PGM2L1: variants seen among roughly 807,000 people sequenced by gnomAD.
PGM2L1 encodes glucose 1,6-bisphosphate synthase.
Under a neutral mutation model 73.4 loss-of-function variants are expected in PGM2L1, and 35 were observed. That is an observed-to-expected ratio of 0.48 (90% CI 0.36 to 0.63). PGM2L1 has a LOEUF of 0.63. PGM2L1 is among the 30% of genes least tolerant of loss of function. PGM2L1 has a pLI of 0.00. For missense variants in PGM2L1, 570 were observed against 742.0 expected, an observed-to-expected ratio of 0.77 and a Z score of 2.69; for synonymous variants, 225 against 253.8, an observed-to-expected ratio of 0.89 and a Z score of 1.08.
chr11:74,353,777 C>T (rs1293655669), intron 5 of PGM2L1, among the ~76,000 whole-genome samples: 3 of 149,228 alleles, frequency 2.0e-5, no homozygotes, highest in African/African-American at 7.3e-5. Context: ...TCTTTCCTTT[C>T]CCCACACTTC....
At chr11:74,365,869 C>T (rs913988033) in intron 5 of PGM2L1, among the ~76,000 whole-genome samples, 1 of 152,120 alleles carries the variant, frequency 6.6e-6, no homozygotes, top group African/African-American at 2.4e-5. Flanking sequence ...TGGGTATATA[C>T]CCAAAGGATT....
chr11:74,383,299 T>C (rs1862973789), intron 1 of PGM2L1, among the ~76,000 whole-genome samples: 1 of 152,000 alleles, frequency 6.6e-6, no homozygotes, highest in Non-Finnish European at 1.5e-5. Flanking sequence ...ATACATGCAA[T>C]ACAATTCCAA....
intron 1 of PGM2L1, among the ~76,000 whole-genome samples, chr11:74,387,609 G>A: frequency 6.6e-6 from 1 of 151,924 alleles, no homozygotes; most frequent in Non-Finnish European, 1.5e-5. Flanking sequence ...TGATTCTACT[G>A]TGCCCATTTT....
intron 1 of PGM2L1, among the ~76,000 whole-genome samples, chr11:74,377,376 G>A (rs1408504823): frequency 6.6e-6 from 1 of 151,898 alleles, no homozygotes; most frequent in Non-Finnish European, 1.5e-5. Flanking sequence ...CTCATGATAC[G>A]CCCACCTTGG....
In PGM2L1 at chr11:74,359,854, T is replaced by A. The variant is rs11236070; in HGVS notation, c.556-8278A>T. On this transcript the variant is annotated intron_variant, in intron 5 of 13. Transcript: ENST00000298198. ...GATGGGACAGATACTTTCTACTGTTTCACTTTTTAACCTTGTGCTTACATA... is the reference window on the plus strand; with the variant it reads ...GATGGGACAGATACTTTCTACTGTTACACTTTTTAACCTTGTGCTTACATA... Among the ~76,000 whole-genome samples, 609 of 152,330 alleles carry A rather than the reference T, an allele frequency of 4.0e-3. 6 individuals carry two copies. The highest frequency in any genetic ancestry group is 0.014 in the African/African-American group (576 of 41,566).
intron 5 of PGM2L1, among the ~76,000 whole-genome samples, chr11:74,362,112 T>C (rs918373099): frequency 2.0e-5 from 3 of 151,972 alleles, no homozygotes; most frequent in East Asian, 1.9e-4. Context: ...TCATCAAACT[T>C]GAAATGAAGG....
rs1862028217 is a variant in PGM2L1, at chr11:74,332,362, T to C, written c.*4290A>G. 6.6e-6 allele frequency: 1 copy of C among 152,260 alleles called. No homozygotes were observed. Among genetic ancestry groups the C allele is most frequent in the Non-Finnish European group, 1.5e-5 (1 of 68,046 alleles). 9.4% of individuals were successfully genotyped at this position (152,260 alleles called of 1,614,324 possible). A position where few individuals can be genotyped will look rare whatever the true frequency, so the allele number is the denominator to read the frequency against. ...AGTATGCAGACAGATCAAAACAGGT[T>C]ATGAAATAGATTTAAAATTACTTCC... On this transcript the variant is annotated 3_prime_UTR_variant, in exon 14 of 14. Coordinates refer to ENST00000298198, the MANE Select transcript of PGM2L1 (RefSeq NM_173582.6).
chr11:74,363,107 T>C (rs1327075971), intron 5 of PGM2L1, among the ~76,000 whole-genome samples: 1 of 152,130 alleles, frequency 6.6e-6, no homozygotes, highest in Non-Finnish European at 1.5e-5. Context: ...CTCAACTACA[T>C]GGAAACTGAA....
At chr11:74,359,148 A>G (rs1224686400) in intron 5 of PGM2L1, among the ~76,000 whole-genome samples, 1 of 152,184 alleles carries the variant, frequency 6.6e-6, no homozygotes, top group East Asian at 1.9e-4. Context: ...TGCTTCATTC[A>G]TCTTTAAAAA....
intron 1 of PGM2L1, among the ~76,000 whole-genome samples, chr11:74,386,298 G>T (rs903277114): frequency 6.6e-6 from 1 of 151,812 alleles, no homozygotes. Context: ...TAAGAAAAAT[G>T]GAAATTAAAG....
intron 9 of PGM2L1, 31 bp downstream of exon 9, chr11:74,345,438 A>T: frequency 6.4e-7 from 1 of 1,555,556 alleles, no homozygotes; most frequent in South Asian, 1.1e-5. Flanking sequence ...TAGGTTTTAA[A>T]AAGTAGCACA....
At chr11:74,360,484 C>T (rs547987235) in intron 5 of PGM2L1, among the ~76,000 whole-genome samples, 9 of 152,136 alleles carry the variant, frequency 5.9e-5, no homozygotes, top group Admixed American at 1.3e-4. Flanking sequence ...GCAGGACCGA[C>T]GCAGAAGATG....
chr11:74,346,299 A>C (rs1193970753), intron 8 of PGM2L1, among the ~76,000 whole-genome samples: 1 of 143,800 alleles, frequency 7.0e-6, no homozygotes, highest in African/African-American at 2.6e-5. Context: ...AAAAAAAAGC[A>C]AACAAACAAA....
chr11:74,370,254 A>G (rs1862731815), intron 4 of PGM2L1, among the ~76,000 whole-genome samples: 1 of 152,058 alleles, frequency 6.6e-6, no homozygotes, highest in African/African-American at 2.4e-5. Flanking sequence ...TTTCTCATTT[A>G]TGATTAAGAT....
rs1862876603 is a variant in PGM2L1 at position 74,377,609 on chromosome 11, A to G, written c.112-3027T>C. On this transcript the variant is annotated intron_variant, in intron 1 of 13. Transcript: ENST00000298198. ...GACTAAAAATAGTGATTACCTCTGA[A>G]GGGGATATTAGGCATGGGGTTTCAA... Among the ~76,000 whole-genome samples, 2 of 152,190 alleles carry G rather than the reference A, an allele frequency of 1.3e-5. 1 individual carries two copies. Among genetic ancestry groups the G allele is most frequent in the Admixed American group, 1.3e-4 (2 of 15,274 alleles).
Position 74,331,288 on chromosome 11 carries a change from G to T in PGM2L1, c.*5364C>A, listed in dbSNP as rs1862008844. The T allele has an allele frequency of 2.1e-5, 2 of 97,522 alleles. No homozygotes were observed. The highest frequency in any genetic ancestry group is 4.7e-5 in the Non-Finnish European group (2 of 42,180). The allele number at this position is 97,522 out of a possible 1,614,324, so 6.0% of individuals were successfully genotyped here. A position where few individuals can be genotyped will look rare whatever the true frequency, so the allele number is the denominator to read the frequency against. On this transcript the variant is annotated 3_prime_UTR_variant, in exon 14 of 14. Transcript: ENST00000298198. ...CTTTTTTTTTTTTTTTTGAGATGGA[G>T]TTTCACTCTTGTTGCCCAGGCTGGA...
intron 5 of PGM2L1, among the ~76,000 whole-genome samples, chr11:74,358,607 C>A (rs79902878): frequency 6.6e-6 from 1 of 152,118 alleles, no homozygotes; most frequent in South Asian, 2.1e-4. Context: ...TTCACCTCTA[C>A]GCCAGGTGCA....
At position 74,336,650 on chromosome 11, in the gene PGM2L1, C is replaced by A; in HGVS notation, c.*2G>T. 6.3e-7 allele frequency: 1 copy of A among 1,592,064 alleles called. No homozygotes were observed. The highest frequency in any genetic ancestry group is 8.6e-7 in the Non-Finnish European group (1 of 1,162,774). ...ACAGTGTCATGACATATTGGTGTAC[C>A]CCTAAACAGAACGCCAGATCAGTCC... On this transcript the variant is annotated 3_prime_UTR_variant, in exon 14 of 14. Transcript: ENST00000298198.
intron 1 of PGM2L1, among the ~76,000 whole-genome samples, chr11:74,377,061 T>C (rs1392304518): frequency 1.3e-5 from 2 of 152,038 alleles, no homozygotes; most frequent in Non-Finnish European, 2.9e-5. Context: ...CTAAAGTCAA[T>C]ATATCACTAC....
Sources: allele counts gnomAD v4.1 joint callset (sites outside exome capture counted in the v4.1 genomes callset), GRCh38; gene constraint gnomAD v4.1.1; transcripts MANE v1.5; gene names NCBI Gene and HGNC (gene_info 2026-07-23, HGNC 2026-07-21).